The following DOCK11 variants were observed in gnomAD, a reference collection of about 807,000 sequenced individuals.
The protein encoded by DOCK11 is dedicator of cytokinesis protein 11.
In DOCK11, 70 loss-of-function variants were observed where a neutral mutation model predicts 169.1. The ratio of observed to expected loss-of-function variants is 0.41; its 90% confidence interval spans 0.34 to 0.51. The LOEUF is 0.51. Ranked by LOEUF, DOCK11 falls within the 20% of genes least tolerant of loss-of-function variation. The pLI, the probability that DOCK11 is intolerant of heterozygous loss-of-function variation, is 0.10. For synonymous variants in DOCK11, 529 were observed against 541.3 expected, an observed-to-expected ratio of 0.98 and a Z score of 0.32; for missense variants, 1,166 against 1,538.8, an observed-to-expected ratio of 0.76 and a Z score of 4.05.
chrX:118,581,138 G>A (rs755761429), intron 14 of DOCK11, among the ~76,000 whole-genome samples: 9 of 112,087 alleles, frequency 8.0e-5, no homozygotes, highest in Non-Finnish European at 1.3e-4. Context: ...GCTCACTGGG[G>A]CTTCTGTGGA....
chrX:118,556,964 A>G (rs2012717901), intron 6 of DOCK11, among the ~76,000 whole-genome samples: 1 of 111,467 alleles, frequency 9.0e-6, no homozygotes, highest in South Asian at 3.8e-4. Flanking sequence ...AAACAAAAAT[A>G]ATAAAGACGA....
chrX:118,648,146 T>TTGTAATATTATACAATA (rs1304023348), intron 40 of DOCK11, among the ~76,000 whole-genome samples: 1 of 60,022 alleles, frequency 1.7e-5, no homozygotes, highest in African/African-American at 8.4e-5. Flanking sequence ...AATATATAAA[T>TTGTAATATTATACAATA]TAATATATAA....
At chrX:118,557,348 G>GA (rs2012729830) in intron 6 of DOCK11, among the ~76,000 whole-genome samples, 1 of 111,569 alleles carries the variant, frequency 9.0e-6, no homozygotes, top group Non-Finnish European at 1.9e-5. Flanking sequence ...AGTAAACTGT[G>GA]TGGATAGTGA....
chrX:118,633,351 A>G (rs2015301782), intron 35 of DOCK11: 1 of 112,210 alleles, frequency 8.9e-6, no homozygotes, highest in Non-Finnish European at 1.9e-5. Context: ...AAACTTTCAG[A>G]TACATGAGTT....
chrX:118,518,384 A>G (rs1470703933), intron 1 of DOCK11, among the ~76,000 whole-genome samples: 1 of 111,072 alleles, frequency 9.0e-6, no homozygotes, highest in African/African-American at 3.3e-5. Flanking sequence ...TCTTCTCTCT[A>G]CTATATGTCT....
intron 9 of DOCK11, among the ~76,000 whole-genome samples, chrX:118,567,702 G>T (rs1220400035): frequency 9.0e-6 from 1 of 111,030 alleles, no homozygotes; most frequent in African/African-American, 3.3e-5. Context: ...CAAAGTGCTG[G>T]GATTACCAGC....
At chrX:118,680,408 T>C (rs2016714957) in intron 48 of DOCK11, 74 bp from the exon 49 acceptor site, 2 of 608,562 alleles carry the variant, frequency 3.3e-6, no homozygotes, top group Non-Finnish European at 4.5e-6. Context: ...GGTTACCTTA[T>C]CTCCTTTTCC....
intron 1 of DOCK11, among the ~76,000 whole-genome samples, chrX:118,539,439 T>TG (rs1488338419): frequency 9.1e-6 from 1 of 109,813 alleles, no homozygotes; most frequent in Admixed American, 9.7e-5. Context: ...GGGGGCAAAG[T>TG]GGGGGAGATG....
chrX:118,628,543 G>T (rs369492456), intron 34 of DOCK11, among the ~76,000 whole-genome samples: 18 of 112,474 alleles, frequency 1.6e-4, no homozygotes, highest in East Asian at 5.5e-4. Context: ...TTAGTGAGGA[G>T]AAATTCAAGT....
chrX:118,656,490 G>T (rs749207714), intron 44 of DOCK11, among the ~76,000 whole-genome samples: 1 of 110,309 alleles, frequency 9.1e-6, no homozygotes, highest in East Asian at 2.8e-4. Flanking sequence ...CCAAAATAAG[G>T]CCCCATTTGA....
chrX:118,578,346 A>G (rs1371204507), intron 12 of DOCK11, among the ~76,000 whole-genome samples, 179 bp from the exon 13 acceptor site: 1 of 111,856 alleles, frequency 8.9e-6, no homozygotes, highest in Non-Finnish European at 1.9e-5. Context: ...TATAAAATCC[A>G]TTTTGAAAGG....
In DOCK11 at chrX:118,495,997, A is replaced by G. The variant is rs1402897224; in HGVS notation, c.26A>G (p.Lys9Arg). Reference protein sequence around the residue: MAEVRKFTKRLSKPGTAAE... With the variant: MAEVRKFTRRLSKPGTAAE... ...ATGGCCGAAGTGCGCAAATTCACCA[A>G]ACGGCTCAGCAAGCCTGGCACGGCG... Residue 9 changes from lysine to arginine, a missense_variant, in exon 1 of 53, where the codon AAA becomes AGA. By Grantham distance (26) the Lys-to-Arg change is conservative. Coordinates refer to ENST00000276202, the MANE Select transcript of DOCK11 (RefSeq NM_144658.4). 1 of 1,090,560 alleles carries G rather than the reference A, an allele frequency of 9.2e-7. No homozygotes were observed. The highest frequency in any genetic ancestry group is 3.2e-5 in the Admixed American group (1 of 31,226). 89.9% of individuals were successfully genotyped at this position (1,090,560 alleles called of 1,213,427 possible).
chrX:118,495,914 G>A lies in DOCK11; in HGVS notation c.-58G>A. 1.2e-6 allele frequency: 1 copy of A among 826,430 alleles called. No homozygotes were observed. Among genetic ancestry groups the A allele is most frequent in the Non-Finnish European group, 1.5e-6 (1 of 646,841 alleles). The allele number at this position is 826,430 out of a possible 1,213,427, so 68.1% of individuals were successfully genotyped here. A position where few individuals can be genotyped will look rare whatever the true frequency, so the allele number is the denominator to read the frequency against. On this transcript the variant is annotated 5_prime_UTR_variant, in exon 1 of 53. It removes the in-frame stop codon of an upstream open reading frame in the 5' UTR. Transcript: ENST00000276202. ...CGCGGCCGCCGCGGGCCGGGGCAGTGAGTCCACCCGCCCGCCGAGGTCCGC... is the reference window on the plus strand; with the variant it reads ...CGCGGCCGCCGCGGGCCGGGGCAGTAAGTCCACCCGCCCGCCGAGGTCCGC...
Position 118,495,931 on chromosome X carries a change from G to T in DOCK11, c.-41G>T. ...GGGGCAGTGAGTCCACCCGCCCGCC[G>T]AGGTCCGCCCGCCCGCCGAGACCCG... On this transcript the variant is annotated 5_prime_UTR_variant, in exon 1 of 53. Transcript: ENST00000276202. The T allele has an allele frequency of 1.0e-6, 1 of 957,008 alleles. No individual in the cohort carries two copies. Among genetic ancestry groups the T allele is most frequent in the South Asian group, 2.5e-5 (1 of 39,678 alleles). 78.9% of individuals were successfully genotyped at this position (957,008 alleles called of 1,213,427 possible).
intron 45 of DOCK11, among the ~76,000 whole-genome samples, chrX:118,670,129 C>G: frequency 8.9e-6 from 1 of 111,800 alleles, no homozygotes; most frequent in Middle Eastern, 4.6e-3. Context: ...ACAATAAAGT[C>G]AAAACTGTGC....
At chrX:118,533,505 G>A (rs1330416673) in intron 1 of DOCK11, among the ~76,000 whole-genome samples, 2 of 111,981 alleles carry the variant, frequency 1.8e-5, no homozygotes, top group Non-Finnish European at 3.8e-5. Context: ...ATTATCAAGA[G>A]CAAGTTAATG....
intron 31 of DOCK11, among the ~76,000 whole-genome samples, chrX:118,622,922 T>G (rs2015010564): frequency 9.0e-6 from 1 of 111,695 alleles, no homozygotes; most frequent in Non-Finnish European, 1.9e-5. Flanking sequence ...AGGAAAGTAA[T>G]GAGAGTTAAA....
intron 44 of DOCK11, among the ~76,000 whole-genome samples, chrX:118,657,507 A>G (rs766997880): frequency 1.8e-3 from 196 of 111,998 alleles, no homozygotes; most frequent in Non-Finnish European, 2.9e-3. Context: ...GATGCCATCT[A>G]TTTTTAAACC....
chrX:118,643,613 G>C lies in DOCK11; in HGVS notation c.4398+19G>C, dbSNP rs1489448509. 1 of 1,206,683 alleles carries C rather than the reference G, an allele frequency of 8.3e-7. No individual in the cohort carries two copies. The highest frequency in any genetic ancestry group is 1.1e-6 in the Non-Finnish European group (1 of 893,577). On this transcript the variant is annotated intron_variant, in intron 40 of 52. Coordinates refer to ENST00000276202, the MANE Select transcript of DOCK11 (RefSeq NM_144658.4). ...CAGTAAGGTAAGGACAGAAGCTTGG[G>C]AGCAGCCGGTGGGCTCTCTTCATTG... is the stretch of plus-strand genomic sequence containing the variant.
Sources: gnomAD v4.1 joint callset for allele counts (sites outside exome capture counted in the v4.1 genomes callset) on GRCh38, gnomAD v4.1.1 for gene constraint, MANE v1.5 for transcripts, NCBI Gene and HGNC (gene_info 2026-07-23, HGNC 2026-07-21) for gene names.